The following ZNF578 variants were observed in gnomAD, a reference collection of about 807,000 sequenced individuals.
The protein encoded by ZNF578 is Putative chemokine-related protein B42.
ZNF578 carries 8 observed loss-of-function variants against 8.3 expected under a neutral mutation model. The observed-to-expected ratio is 0.96, with a 90% confidence interval of 0.56 to 1.74. ZNF578 has a LOEUF of 1.74. Among genes scored for constraint, ZNF578 ranks in the 40% most tolerant of loss-of-function variants. The probability of loss-of-function intolerance (pLI) is 0.00; values close to 1 mark genes in which losing one functional copy is unlikely to be tolerated. For missense variants in ZNF578, 726 were observed against 707.5 expected (o/e 1.03, Z -0.30); for synonymous variants, 206 against 232.2 (o/e 0.89, Z 1.03).
rs2059453059 is a variant in ZNF578, at chr19:52,512,469, C to T, written c.*315C>T. 2 of 1,306,534 alleles carry T rather than the reference C, an allele frequency of 1.5e-6. No individual in the cohort carries two copies. The highest frequency in any genetic ancestry group is 1.5e-5 in the African/African-American group (1 of 68,520). The allele number at this position is 1,306,534 out of a possible 1,614,324, so 80.9% of individuals were successfully genotyped here. On this transcript the variant is annotated 3_prime_UTR_variant, in exon 6 of 6. Coordinates refer to ENST00000421239, the MANE Select transcript of ZNF578 (RefSeq NM_001099694.2). ...GCAAATTTTTCAGACATCGTTCATA[C>T]CTTGCAGTTCATCAGTGAACTCATA...
chr19:52,486,243 A>G (rs538222974), intron 2 of ZNF578, among the ~76,000 whole-genome samples: 1 of 152,140 alleles, frequency 6.6e-6, no homozygotes, highest in Non-Finnish European at 1.5e-5. Context: ...ATTTGTTCAC[A>G]AGTTTTCCTG....
rs764386354 is a variant in ZNF578, at chr19:52,512,114, A to T, written c.1733A>T (p.His578Leu). The T allele has an allele frequency of 6.2e-7, 1 of 1,613,418 alleles. No individual in the cohort carries two copies. Among genetic ancestry groups the T allele is most frequent in the Non-Finnish European group, 8.5e-7 (1 of 1,179,808 alleles). Reference protein sequence around the residue: ...KCNECGKAHNHLIDSSIKPCM... With the variant: ...KCNECGKAHNLLIDSSIKPCM... ...AATGAGTGTGGTAAGGCTCACAATC[A>T]CTTGATTGATTCATCAATCAAGCCT... The change falls in exon 6 of 6, where the codon CAC becomes CTC. Residue 578 changes from histidine to leucine, a missense_variant. Coordinates refer to ENST00000421239, the MANE Select transcript of ZNF578 (RefSeq NM_001099694.2).
intron 2 of ZNF578, among the ~76,000 whole-genome samples, chr19:52,469,510 C>T (rs541640555): frequency 2.1e-3 from 318 of 152,178 alleles, no homozygotes; most frequent in Non-Finnish European, 3.2e-3. Flanking sequence ...TTAGGGGCTT[C>T]TGGAGTTGGC....
rs141491726 is a variant in ZNF578, at chr19:52,472,173, C to T, written c.-122+15215C>T. 5.1e-4 allele frequency among the ~76,000 whole-genome samples: 78 copies of T among 152,228 alleles called. No homozygotes were observed. The East Asian group carries it at 0.013, about 26-fold the overall frequency. On this transcript the variant is annotated intron_variant, in intron 2 of 5. Coordinates refer to ENST00000421239, the MANE Select transcript of ZNF578 (RefSeq NM_001099694.2). The stretch of plus-strand genomic sequence containing the variant: ...TGGGAGGCTAAGGCGGGTAGATCAC[C>T]TGAGGCCATGAGTTCGAGACCAGCC...
intron 2 of ZNF578, among the ~76,000 whole-genome samples, chr19:52,464,587 A>G (rs922212254): frequency 6.6e-6 from 1 of 152,342 alleles, no homozygotes; most frequent in African/African-American, 2.4e-5. Context: ...GTCAGGTGCT[A>G]TAAGCAATCC....
At chr19:52,454,773 G>C (rs2059234098) in intron 1 of ZNF578, 1 of 152,064 alleles carries the variant, frequency 6.6e-6, no homozygotes, top group Non-Finnish European at 1.5e-5. Flanking sequence ...TTCACCCATG[G>C]GATCTGACAC....
rs201176742 is a variant in ZNF578, at chr19:52,496,947, A to AT, written c.-19-4873dup. On this transcript the variant is annotated intron_variant, in intron 3 of 5. Coordinates refer to ENST00000421239, the MANE Select transcript of ZNF578 (RefSeq NM_001099694.2). ...CCGCCGCGCCCAGCCTTTAATTTTTATTTTTTTGAGACACTCTTGCTGTTG... is the reference window on the plus strand; with the variant it reads ...CCGCCGCGCCCAGCCTTTAATTTTTATTTTTTTTGAGACACTCTTGCTGTTG... Among the ~76,000 whole-genome samples the AT allele has an allele frequency of 6.3e-4, 95 of 151,528 alleles. 2 individuals are homozygous for AT. The East Asian group carries it at 0.019, about 30-fold the overall frequency.
rs568470874 is a variant in ZNF578, at chr19:52,481,485, T to C, written c.-121-9839T>C. ...GACATGTTGACTTCTGTGTATATAATATAATAATTAAAACTTGTTTCAAAT... is the reference window on the plus strand; with the variant it reads ...GACATGTTGACTTCTGTGTATATAACATAATAATTAAAACTTGTTTCAAAT... On this transcript the variant is annotated intron_variant, in intron 2 of 5. Transcript: ENST00000421239. Among the ~76,000 whole-genome samples the C allele has an allele frequency of 7.9e-5, 12 of 152,374 alleles. No individual in the cohort carries two copies. The South Asian group carries it at 2.3e-3, about 29-fold the overall frequency.
At chr19:52,498,170 T>C (rs1239059341) in intron 3 of ZNF578, among the ~76,000 whole-genome samples, 2 of 152,130 alleles carry the variant, frequency 1.3e-5, no homozygotes, top group Admixed American at 6.6e-5. Flanking sequence ...TGTTTGTTTT[T>C]CTTTGAGATG....
chr19:52,456,701 G>C (rs2059240804), intron 1 of ZNF578, 167 bp from the exon 2 acceptor site: 1 of 154,044 alleles, frequency 6.5e-6, no homozygotes, highest in African/African-American at 2.4e-5. Flanking sequence ...CATCATCCCT[G>C]GTGCTGTGGG....
Position 52,516,525 on chromosome 19 carries a change from CCT to C in ZNF578, c.*4372_*4373del, listed in dbSNP as rs1310636088. ...GAGCCCAAGCTAAGCCATCGTATCCCCTGTCACCTGCACGTATACATCCAGAT... is the reference window on the plus strand; with the variant it reads ...GAGCCCAAGCTAAGCCATCGTATCCCGTCACCTGCACGTATACATCCAGAT... On this transcript the variant is annotated 3_prime_UTR_variant, in exon 6 of 6. Coordinates refer to ENST00000421239, the MANE Select transcript of ZNF578 (RefSeq NM_001099694.2). Among the ~76,000 whole-genome samples, 7 of 152,214 alleles carry C rather than the reference CCT, an allele frequency of 4.6e-5. No homozygotes were observed. The highest frequency in any genetic ancestry group is 3.8e-4 in the East Asian group (2 of 5,204).
Position 52,516,633 on chromosome 19 carries a change from C to T in ZNF578, c.*4479C>T, listed in dbSNP as rs781734868. ...ATTCCACCATTGTGATTTATTTCTG[C>T]ACCATCTTGACTGATCAATGTGCTT... On this transcript the variant is annotated 3_prime_UTR_variant, in exon 6 of 6. Coordinates refer to ENST00000421239, the MANE Select transcript of ZNF578 (RefSeq NM_001099694.2). Among the ~76,000 whole-genome samples, 64 of 152,196 alleles carry T rather than the reference C, an allele frequency of 4.2e-4. No individual in the cohort carries two copies. The highest frequency in any genetic ancestry group is 7.6e-4 in the Non-Finnish European group (52 of 68,034).
At chr19:52,458,484 T>TATATA (rs1167339096) in intron 2 of ZNF578, 2 of 11,600 alleles carry the variant, frequency 1.7e-4, no homozygotes, top group African/African-American at 8.3e-4. Context: ...ATATATATAT[T>TATATA]TTGAAAATCT....
chr19:52,482,579 A>G (rs2059330543), intron 2 of ZNF578, among the ~76,000 whole-genome samples: 3 of 151,734 alleles, frequency 2.0e-5, no homozygotes, highest in Admixed American at 2.0e-4. Flanking sequence ...CACAGGTTGC[A>G]GTGAGCCAAG....
At chr19:52,461,459 A>C (rs994056933) in intron 2 of ZNF578, among the ~76,000 whole-genome samples, 1 of 152,178 alleles carries the variant, frequency 6.6e-6, no homozygotes, top group African/African-American at 2.4e-5. Context: ...GAACAGAGGA[A>C]TGTAAAGCAA....
At chr19:52,465,984 A>G (rs932434330) in intron 2 of ZNF578, among the ~76,000 whole-genome samples, 1 of 152,190 alleles carries the variant, frequency 6.6e-6, no homozygotes, top group Non-Finnish European at 1.5e-5. Flanking sequence ...GTGACAAAGG[A>G]ATGAGAAGAG....
At chr19:52,487,990 TG>T (rs2059351634) in intron 2 of ZNF578, among the ~76,000 whole-genome samples, 2 of 149,608 alleles carry the variant, frequency 1.3e-5, no homozygotes, top group South Asian at 4.5e-4. Flanking sequence ...GTTTTACTCT[TG>T]TTGCCCAGGC....
At chr19:52,462,332 G>T (rs1470843115) in intron 2 of ZNF578, among the ~76,000 whole-genome samples, 2 of 152,158 alleles carry the variant, frequency 1.3e-5, no homozygotes, top group South Asian at 2.1e-4. Context: ...ATGTAAAGAG[G>T]GGGGACTGAT....
At chr19:52,504,956 C>T (rs996508963) in intron 5 of ZNF578, among the ~76,000 whole-genome samples, 175 bp downstream of exon 5, 22 of 152,150 alleles carry the variant, frequency 1.4e-4, no homozygotes, top group Admixed American at 5.2e-4. Flanking sequence ...AATGGTATAT[C>T]GGCTCATCAT....
Sources: allele counts gnomAD v4.1 joint callset (sites outside exome capture counted in the v4.1 genomes callset), GRCh38; gene constraint gnomAD v4.1.1; transcripts MANE v1.5; gene names NCBI Gene and HGNC (gene_info 2026-07-23, HGNC 2026-07-21).